TNNI3K: variants seen among roughly 807,000 people sequenced by gnomAD.
TNNI3K encodes the protein TNNI3 interacting kinase.
A neutral mutation model predicts 114.5 loss-of-function variants in TNNI3K; 140 were observed. The ratio of observed to expected loss-of-function variants is 1.22; its 90% CI spans 1.07 to 1.41. The LOEUF is 1.41. Ranked by LOEUF, TNNI3K falls within the 40% of genes most tolerant of loss-of-function variation. The pLI, the probability that TNNI3K is intolerant of heterozygous loss-of-function variation, is 0.00. For missense variants in TNNI3K, 1,125 were observed against 1,007.6 expected (o/e 1.12, Z -1.58); for synonymous variants, 347 against 347.5 (o/e 1.00, Z 0.02).
chr1:74,436,021 A>G, intron 17 of TNNI3K, 59 bp from the exon 18 acceptor site: 6 of 1,555,704 alleles, frequency 3.9e-6, no homozygotes, highest in Non-Finnish European at 5.2e-6. Flanking sequence ...GGGGCCAATT[A>G]GATTAGGACA....
chr1:74,446,859 G>A (rs1303747045), intron 20 of TNNI3K, among the ~76,000 whole-genome samples: 1 of 147,116 alleles, frequency 6.8e-6, no homozygotes, highest in South Asian at 2.2e-4. Context: ...GTAGGTATGC[G>A]GCGTTAATTC....
At chr1:74,370,035 A>G in intron 16 of TNNI3K, 1 of 267,058 alleles carries the variant, frequency 3.7e-6, no homozygotes, top group Non-Finnish European at 6.9e-6. Flanking sequence ...AAAGAAATTA[A>G]GTATAGTATT....
At position 74,275,482 on chromosome 1, in the gene TNNI3K, T is replaced by A. The variant is rs184625940; in HGVS notation, c.444+3774T>A. 1.1e-4 allele frequency among the ~76,000 whole-genome samples: 17 copies of A among 151,990 alleles called. No individual in the cohort carries two copies. The East Asian group carries it at 2.9e-3, about 26-fold the overall frequency. On this transcript the variant is annotated intron_variant, in intron 5 of 24. Coordinates refer to ENST00000326637, the MANE Select transcript of TNNI3K (RefSeq NM_015978.3). The stretch of plus-strand genomic sequence containing the variant: ...AGTACAATTCAAGATGATATTTGGG[T>A]GGGAACACAGAGCCAAAGCATATCA...
chr1:74,459,033 A>T (rs1244277301), intron 20 of TNNI3K, among the ~76,000 whole-genome samples: 1 of 152,148 alleles, frequency 6.6e-6, no homozygotes, highest in Non-Finnish European at 1.5e-5. Flanking sequence ...TCCTGCATTA[A>T]TTCCCCTTGG....
chr1:74,369,993 T>G (rs1471017809), intron 16 of TNNI3K: 5 of 238,630 alleles, frequency 2.1e-5, no homozygotes, highest in Admixed American at 5.3e-5. Context: ...TTTCATACAG[T>G]GATTAAAATA....
intron 4 of TNNI3K, among the ~76,000 whole-genome samples, chr1:74,256,797 A>G (rs762214467): frequency 9.2e-5 from 14 of 152,110 alleles, no homozygotes; most frequent in Non-Finnish European, 1.8e-4. Context: ...GCATCTATAC[A>G]TGATAAGAAC....
At chr1:74,333,823 C>A (rs942644465) in intron 6 of TNNI3K, among the ~76,000 whole-genome samples, 1 of 152,116 alleles carries the variant, frequency 6.6e-6, no homozygotes, top group African/African-American at 2.4e-5. Flanking sequence ...AATAGACAAT[C>A]GATTTCAGAG....
At chr1:74,482,349 G>A (rs1668546380) in intron 21 of TNNI3K, among the ~76,000 whole-genome samples, 1 of 152,208 alleles carries the variant, frequency 6.6e-6, no homozygotes, top group South Asian at 2.1e-4. Context: ...CAACAATGTA[G>A]ATGAGAAATA....
At chr1:74,387,948 A>T (rs567596016) in intron 17 of TNNI3K, among the ~76,000 whole-genome samples, 3 of 151,988 alleles carry the variant, frequency 2.0e-5, no homozygotes, top group African/African-American at 7.3e-5. Context: ...ATCAACTCTC[A>T]TATCTTTGTT....
At chr1:74,303,099 C>A (rs1067847) in intron 5 of TNNI3K, among the ~76,000 whole-genome samples, 4 of 152,310 alleles carry the variant, frequency 2.6e-5, no homozygotes, top group Middle Eastern at 3.4e-3. Flanking sequence ...CACTTAAGAA[C>A]TGTGCTAAAT....
chr1:74,504,080 A>G (rs1669769896), intron 23 of TNNI3K, among the ~76,000 whole-genome samples: 1 of 152,220 alleles, frequency 6.6e-6, no homozygotes, highest in Non-Finnish European at 1.5e-5. Flanking sequence ...CCCAGACAGC[A>G]CTATAGTGAA....
At chr1:74,475,472 A>G in intron 21 of TNNI3K, 1 of 717,066 alleles carries the variant, frequency 1.4e-6, no homozygotes, top group Non-Finnish European at 2.6e-6. Flanking sequence ...CCATCCTGGC[A>G]AAATAAAGTG....
intron 17 of TNNI3K, among the ~76,000 whole-genome samples, chr1:74,398,074 G>A (rs12037741): frequency 0.23 from 34,339 of 152,212 alleles, 4,843 homozygotes; most frequent in Non-Finnish European, 0.33. Context: ...CACAGTTCAT[G>A]TAAATGGCCA....
intron 5 of TNNI3K, among the ~76,000 whole-genome samples, chr1:74,291,704 T>C (rs1351074528): frequency 6.6e-6 from 1 of 151,508 alleles, no homozygotes; most frequent in East Asian, 1.9e-4. Context: ...TTAGGGTTAA[T>C]GCTTTCATAT....
At chr1:74,510,179 C>A (rs1323062421) in intron 23 of TNNI3K, among the ~76,000 whole-genome samples, 1 of 152,044 alleles carries the variant, frequency 6.6e-6, no homozygotes, top group Non-Finnish European at 1.5e-5. Flanking sequence ...TTCCTGAGAT[C>A]AGTAGTAGAG....
At chr1:74,525,363 A>T (rs997777752) in intron 23 of TNNI3K, among the ~76,000 whole-genome samples, 2 of 152,184 alleles carry the variant, frequency 1.3e-5, no homozygotes, top group African/African-American at 4.8e-5. Flanking sequence ...ACAAAAAAGG[A>T]ATGTGAGGCA....
chr1:74,516,205 A>G (rs919977034), intron 23 of TNNI3K, among the ~76,000 whole-genome samples: 1 of 152,180 alleles, frequency 6.6e-6, no homozygotes, highest in African/African-American at 2.4e-5. Flanking sequence ...GAAATTTCCC[A>G]TTAGCCAGGA....
intron 17 of TNNI3K, among the ~76,000 whole-genome samples, chr1:74,380,837 T>C (rs1663165568): frequency 6.6e-6 from 1 of 152,130 alleles, no homozygotes; most frequent in Non-Finnish European, 1.5e-5. Context: ...CTTGATCGTT[T>C]TCAACCCTTG....
chr1:74,271,719 C>A lies in TNNI3K; in HGVS notation c.444+11C>A. 6.3e-7 allele frequency: 1 copy of A among 1,590,642 alleles called. No individual in the cohort carries two copies. Among genetic ancestry groups the A allele is most frequent in the Non-Finnish European group, 8.6e-7 (1 of 1,166,978 alleles). On this transcript the variant is annotated intron_variant, in intron 5 of 24. Coordinates refer to ENST00000326637, the MANE Select transcript of TNNI3K (RefSeq NM_015978.3). Reference sequence around the variant, plus strand: ...GCTGGCCACCTAGAGGTAAGTCATGCCTTTGGCACCTGTGAAAACAAAGGT... The same window carrying A: ...GCTGGCCACCTAGAGGTAAGTCATGACTTTGGCACCTGTGAAAACAAAGGT...
Sources: allele counts gnomAD v4.1 joint callset (sites outside exome capture counted in the v4.1 genomes callset), GRCh38; gene constraint gnomAD v4.1.1; transcripts MANE v1.5; gene names NCBI Gene and HGNC (gene_info 2026-07-23, HGNC 2026-07-21).